FNTA: variants seen among roughly 807,000 people sequenced by gnomAD.
The protein encoded by FNTA is protein farnesyltransferase/geranylgeranyltransferase type-1 subunit alpha.
In FNTA, 27 loss-of-function variants were observed where a neutral mutation model predicts 55.2. The observed-to-expected ratio is 0.49, with a 90% CI of 0.36 to 0.67. The LOEUF (loss-of-function observed/expected upper bound fraction) is 0.67, where lower values mean the gene tolerates loss of function less well. Among genes scored for constraint, FNTA ranks in the 30% least tolerant of loss-of-function variants. The pLI is 0.00. For missense variants in FNTA, 422 were observed against 464.7 expected (o/e 0.91, Z 0.85); for synonymous variants, 176 against 170.7 (o/e 1.03, Z -0.24).
At chr8:43,065,749 T>G (rs1296095616) in intron 3 of FNTA, among the ~76,000 whole-genome samples, 2 of 151,458 alleles carry the variant, frequency 1.3e-5, no homozygotes, top group Non-Finnish European at 2.9e-5. Flanking sequence ...ATTCATGTGT[T>G]AGATCCCCTG....
At chr8:43,061,477 A>G (rs1036742640) in intron 2 of FNTA, among the ~76,000 whole-genome samples, 10 of 152,246 alleles carry the variant, frequency 6.6e-5, no homozygotes, top group African/African-American at 2.4e-4. Flanking sequence ...TGTCTGGCTC[A>G]TAGTAAGCAC....
chr8:43,080,302 T>A (rs1337901487), intron 6 of FNTA: 1 of 152,254 alleles, frequency 6.6e-6, no homozygotes, highest in African/African-American at 2.4e-5. Context: ...ATCTCATCCT[T>A]CAGCACCCAG....
At chr8:43,071,646 TG>T (rs1258992094) in intron 4 of FNTA, among the ~76,000 whole-genome samples, 2 of 141,790 alleles carry the variant, frequency 1.4e-5, no homozygotes, top group Non-Finnish European at 3.0e-5. Context: ...CACTCCAGCC[TG>T]GGGGACAATG....
chr8:43,061,955 G>T (rs530329832), intron 2 of FNTA, among the ~76,000 whole-genome samples: 3 of 152,266 alleles, frequency 2.0e-5, no homozygotes, highest in Admixed American at 6.5e-5. Flanking sequence ...CCGACCTCAG[G>T]TGATCCGCCC....
Position 43,059,140 on chromosome 8 carries a change from C to A in FNTA, c.249C>A (p.Gly83=). ...TAGATCCGGTGCCGCAGAATGATGG[C>A]CCCAATCCCGTGGTCCAGATCATTT... The part of the protein sequence containing the change: ...ADIDPVPQND[G]PNPVVQIIYS... Residue 83 remains glycine (G), a synonymous_variant, in exon 2 of 9, where the codon GGC becomes GGA. Transcript: ENST00000302279. 6.2e-7 allele frequency: 1 copy of A among 1,613,344 alleles called. No individual in the cohort carries two copies. The highest frequency in any genetic ancestry group is 8.5e-7 in the Non-Finnish European group (1 of 1,179,748).
At position 43,064,219 on chromosome 8, in the gene FNTA, A is replaced by C. The variant is rs1196194765; in HGVS notation, c.401+4A>C. 1 of 1,510,504 alleles carries C rather than the reference A, an allele frequency of 6.6e-7. No individual in the cohort carries two copies. 93.6% of individuals were successfully genotyped at this position (1,510,504 alleles called of 1,614,324 possible). A position where few individuals can be genotyped will look rare whatever the true frequency, so the allele number is the denominator to read the frequency against. ...ATGCAGCCAATTATACAGTGTGGTA[A>C]GTAATACACATCATCAGTATTCCCT... is the stretch of plus-strand genomic sequence containing the variant. On this transcript the variant is annotated splice_donor_region_variant and intron_variant, in intron 3 of 8. Coordinates refer to ENST00000302279, the MANE Select transcript of FNTA (RefSeq NM_002027.3).
At chr8:43,084,996 A>G (rs1811098046) in intron 8 of FNTA, 115 bp downstream of exon 8, 5 of 1,214,128 alleles carry the variant, frequency 4.1e-6, no homozygotes, top group Non-Finnish European at 5.9e-6. Flanking sequence ...GTGCAGGGCT[A>G]TTTCTGGTTA....
chr8:43,074,816 G>A (rs1432242836), intron 5 of FNTA, among the ~76,000 whole-genome samples: 1 of 152,132 alleles, frequency 6.6e-6, no homozygotes, highest in Non-Finnish European at 1.5e-5. Context: ...TGAGGGAATA[G>A]TTCTCCATCT....
At chr8:43,058,790 A>T (rs1164067067) in intron 1 of FNTA, among the ~76,000 whole-genome samples, 1 of 152,058 alleles carries the variant, frequency 6.6e-6, no homozygotes, top group African/African-American at 2.4e-5. Context: ...AAAATAAAAT[A>T]AAAAAAAGTA....
chr8:43,061,153 C>T (rs1258116652), intron 2 of FNTA, among the ~76,000 whole-genome samples: 1 of 152,144 alleles, frequency 6.6e-6, no homozygotes, highest in Admixed American at 6.6e-5. Flanking sequence ...GAATGTTTAG[C>T]CATTTTGGAA....
chr8:43,068,338 G>A (rs1810707636), intron 3 of FNTA, among the ~76,000 whole-genome samples: 1 of 152,126 alleles, frequency 6.6e-6, no homozygotes, highest in African/African-American at 2.4e-5. Flanking sequence ...TATATATCGA[G>A]TTGGAAATTT....
intron 5 of FNTA, among the ~76,000 whole-genome samples, chr8:43,073,003 GT>G (rs1463166681): frequency 6.6e-6 from 1 of 152,032 alleles, no homozygotes; most frequent in African/African-American, 2.4e-5. Context: ...ATGTGTCAAA[GT>G]TTTATGCTAA....
At position 43,066,838 on chromosome 8, in the gene FNTA, GTA is replaced by G. The variant is rs1810672633; in HGVS notation, c.401+2625_401+2626del. ...TGTTGTAGTGAAATCTCACTAGTCA[GTA>G]TTTAAGTCTTTTCTCTTGGACAGTG... On this transcript the variant is annotated intron_variant, in intron 3 of 8. Transcript: ENST00000302279. Among the ~76,000 whole-genome samples the G allele has an allele frequency of 2.0e-5, 3 of 152,288 alleles. No individual in the cohort carries two copies. In the South Asian group the frequency reaches 6.2e-4, roughly 32 times the overall value.
intron 5 of FNTA, among the ~76,000 whole-genome samples, chr8:43,075,398 C>CT (rs1357475825): frequency 6.6e-6 from 1 of 152,024 alleles, no homozygotes; most frequent in East Asian, 1.9e-4. Flanking sequence ...ACTCCATTAT[C>CT]TTTTTTATAA....
At chr8:43,061,634 C>T (rs1810532005) in intron 2 of FNTA, among the ~76,000 whole-genome samples, 1 of 152,066 alleles carries the variant, frequency 6.6e-6, no homozygotes, top group African/African-American at 2.4e-5. Context: ...GGATTTAGAT[C>T]TATTATAACA....
At chr8:43,077,160 A>G (rs2130566891) in intron 5 of FNTA, 56 bp from the exon 6 acceptor site, 3 of 1,239,810 alleles carry the variant, frequency 2.4e-6, no homozygotes, top group South Asian at 3.1e-5. Context: ...TTTATTTTTT[A>G]TTCATAAATA....
chr8:43,061,845 G>A (rs1451712213), intron 2 of FNTA, among the ~76,000 whole-genome samples: 3 of 151,856 alleles, frequency 2.0e-5, no homozygotes, highest in Admixed American at 1.3e-4. Context: ...TCAGCCGCCC[G>A]AGTAGCTGGG....
At chr8:43,074,262 G>A (rs1043430776) in intron 5 of FNTA, among the ~76,000 whole-genome samples, 3 of 152,076 alleles carry the variant, frequency 2.0e-5, no homozygotes, top group African/African-American at 7.2e-5. Context: ...AGTGGCTCAC[G>A]CCTGTAATCC....
intron 6 of FNTA, chr8:43,082,891 C>T (rs950675635): frequency 1.8e-5 from 5 of 285,288 alleles, no homozygotes; most frequent in Non-Finnish European, 2.6e-5. Context: ...ACTAAAAATA[C>T]AAAAATTAGC....
Sources: gnomAD v4.1 joint callset for allele counts (sites outside exome capture counted in the v4.1 genomes callset) on GRCh38, gnomAD v4.1.1 for gene constraint, MANE v1.5 for transcripts, NCBI Gene and HGNC (gene_info 2026-07-23, HGNC 2026-07-21) for gene names.